The following MBD5 variants were observed in gnomAD, a reference collection of about 807,000 sequenced individuals.
The protein encoded by MBD5 is methyl-CpG-binding domain protein 5.
MBD5 carries 13 observed loss-of-function variants against 117.3 expected under a neutral mutation model. The ratio of observed to expected loss-of-function variants is 0.11; its 90% CI spans 0.07 to 0.18. The LOEUF (loss-of-function observed/expected upper bound fraction) is 0.18, where lower values mean the gene tolerates loss of function less well. MBD5 is among the 10% of genes least tolerant of loss of function. The pLI is 1.00. For missense variants in MBD5, 1,879 were observed against 2,093.8 expected (o/e 0.90, Z 2.00); for synonymous variants, 727 against 766.4 (o/e 0.95, Z 0.85).
At chr2:148,217,453 C>T (rs1699584842) in intron 2 of MBD5, among the ~76,000 whole-genome samples, 1 of 152,196 alleles carries the variant, frequency 6.6e-6, no homozygotes, top group Non-Finnish European at 1.5e-5. Context: ...TTCATGGAAG[C>T]ACTTGTCTTC....
intron 1 of MBD5, among the ~76,000 whole-genome samples, chr2:148,066,421 G>T (rs1406329372): frequency 6.6e-6 from 1 of 150,850 alleles, no homozygotes; most frequent in East Asian, 1.9e-4. Context: ...CCTCACTATA[G>T]TATTTAGTGT....
Position 148,374,178 on chromosome 2 carries a change from C to T in MBD5, c.-557+31842C>T, listed in dbSNP as rs181711455. Among the ~76,000 whole-genome samples the T allele has an allele frequency of 4.0e-5, 6 of 151,616 alleles. No individual in the cohort carries two copies. The East Asian group carries it at 1.2e-3, about 29-fold the overall frequency. ...CCAATTTGCCAAACCCAGAATGTTG[C>T]TTAGCTTTGTACTTTGCACACAAAG... On this transcript the variant is annotated intron_variant, in intron 4 of 13. Transcript: ENST00000642680.
At chr2:148,304,583 A>G (rs901030264) in intron 3 of MBD5, among the ~76,000 whole-genome samples, 5 of 152,200 alleles carry the variant, frequency 3.3e-5, no homozygotes, top group African/African-American at 9.7e-5. Flanking sequence ...TGATAAGACA[A>G]TATGTTCAAG....
intron 2 of MBD5, among the ~76,000 whole-genome samples, chr2:148,210,038 A>G (rs914131287): frequency 6.6e-6 from 1 of 152,220 alleles, no homozygotes; most frequent in African/African-American, 2.4e-5. Flanking sequence ...GGAGGAAGGC[A>G]TTTGTTTTTC....
intron 4 of MBD5, among the ~76,000 whole-genome samples, chr2:148,384,633 C>T (rs1704281503): frequency 6.6e-6 from 1 of 151,918 alleles, no homozygotes; most frequent in Non-Finnish European, 1.5e-5. Flanking sequence ...TATGGAACCA[C>T]AAAAGAGTCC....
At chr2:148,274,379 G>GC (rs1303952572) in intron 3 of MBD5, among the ~76,000 whole-genome samples, 3 of 131,956 alleles carry the variant, frequency 2.3e-5, no homozygotes, top group Non-Finnish European at 4.8e-5. Flanking sequence ...TCCCTCCCCA[G>GC]CCCCCCACCC....
chr2:148,390,582 T>C (rs10180399), intron 4 of MBD5, among the ~76,000 whole-genome samples: 75,196 of 148,522 alleles, frequency 0.51, 19,141 homozygotes, highest in East Asian at 0.75. Context: ...TATATATATA[T>C]ACATACTTTT....
intron 3 of MBD5, among the ~76,000 whole-genome samples, chr2:148,322,934 C>T (rs1052666106): frequency 3.6e-4 from 54 of 150,496 alleles, no homozygotes; most frequent in East Asian, 7.8e-4. Flanking sequence ...CATGCTGGTG[C>T]GCTGCACCCA....
At chr2:148,460,528 C>T (rs895825053) in intron 5 of MBD5, among the ~76,000 whole-genome samples, 4 of 152,260 alleles carry the variant, frequency 2.6e-5, no homozygotes, top group Admixed American at 6.5e-5. Flanking sequence ...TCTATAGCTC[C>T]CTGCTCAATG....
intron 1 of MBD5, among the ~76,000 whole-genome samples, chr2:148,169,835 A>G (rs1045861293): frequency 1.2e-4 from 18 of 151,980 alleles, no homozygotes; most frequent in Non-Finnish European, 2.5e-4. Context: ...GGTGGACAGG[A>G]TTTAGAATTT....
rs1396828203 is a variant in MBD5 at position 148,447,175 on chromosome 2, G to GA, written c.-556-11026dup. On this transcript the variant is annotated intron_variant, in intron 4 of 13. Coordinates refer to ENST00000642680, the MANE Select transcript of MBD5 (RefSeq NM_001378120.1). ...AGAAGGAAAGAAAGGAAGAAAGGAA[G>GA]AAGGAAAGAAAGAAAGAAAGAAAGA... Among the ~76,000 whole-genome samples, 128 of 120,242 alleles carry GA rather than the reference G, an allele frequency of 1.1e-3. 1 individual carries two copies. Among genetic ancestry groups the GA allele is most frequent in the African/African-American group, 3.7e-3 (114 of 30,660 alleles). 78.9% of individuals were successfully genotyped at this position (120,242 alleles called of 152,430 possible).
chr2:148,301,657 T>G (rs1445405597), intron 3 of MBD5, among the ~76,000 whole-genome samples: 2 of 152,218 alleles, frequency 1.3e-5, no homozygotes, highest in Non-Finnish European at 2.9e-5. Flanking sequence ...CCCCTGATTC[T>G]TCCCTTGGGG....
intron 3 of MBD5, among the ~76,000 whole-genome samples, chr2:148,254,947 A>G (rs1417550032): frequency 1.3e-5 from 2 of 152,142 alleles, no homozygotes; most frequent in Non-Finnish European, 2.9e-5. Context: ...TTGCTGCATC[A>G]TGTTCCAGGC....
chr2:148,328,255 A>C (rs1270074273), intron 3 of MBD5, among the ~76,000 whole-genome samples: 2 of 152,176 alleles, frequency 1.3e-5, no homozygotes, highest in East Asian at 3.9e-4. Flanking sequence ...GCTGTCAGAC[A>C]GGGACATTTA....
At chr2:148,343,878 T>A (rs1050911519) in intron 4 of MBD5, among the ~76,000 whole-genome samples, 2 of 152,116 alleles carry the variant, frequency 1.3e-5, no homozygotes, top group African/African-American at 4.8e-5. Context: ...CATAAATTCT[T>A]TCCTAAGGCC....
chr2:148,260,696 CA>C, intron 3 of MBD5: 2 of 205,848 alleles, frequency 9.7e-6, no homozygotes, highest in Admixed American at 8.9e-5. Flanking sequence ...CTGCTCTACC[CA>C]GGTCAGAGAT....
At chr2:148,195,573 A>T (rs1387167204) in intron 2 of MBD5, among the ~76,000 whole-genome samples, 1 of 152,214 alleles carries the variant, frequency 6.6e-6, no homozygotes, top group Non-Finnish European at 1.5e-5. Flanking sequence ...CATTTGTAGA[A>T]CATATGCCTA....
intron 4 of MBD5, among the ~76,000 whole-genome samples, chr2:148,375,009 T>C (rs1206785465): frequency 2.0e-5 from 3 of 152,202 alleles, no homozygotes; most frequent in Non-Finnish European, 4.4e-5. Flanking sequence ...TAATACCTGG[T>C]GTGTATAAAT....
rs749574412 is a variant in MBD5 at position 148,469,816 on chromosome 2, C to T, written c.1873C>T (p.Pro625Ser). The stretch of plus-strand genomic sequence containing the variant: ...ACATAGCACTTTAAACACCATGTTC[C>T]CTCCTACTGCCAACATGCTTCTCCC... Reference protein sequence around the residue: ...EGHSTLNTMFPPTANMLLPTG... With the variant: ...EGHSTLNTMFSPTANMLLPTG... Residue 625 changes from proline (P) to serine (S), a missense_variant, in exon 8 of 14, where the codon CCT (proline) becomes TCT (serine). This residue lies in a region of MBD5 where 1,666 missense variants were observed against 1,792.2 expected (regional missense o/e 0.93). Coordinates refer to ENST00000642680, the MANE Select transcript of MBD5 (RefSeq NM_001378120.1). 4 of 1,613,928 alleles carry T rather than the reference C, an allele frequency of 2.5e-6. No homozygotes were observed. Among genetic ancestry groups the T allele is most frequent in the South Asian group, 2.2e-5 (2 of 91,078 alleles).
Sources: gnomAD v4.1 joint callset for allele counts (sites outside exome capture counted in the v4.1 genomes callset) on GRCh38, gnomAD v4.1.1 for gene constraint, gnomAD v4.1.1 regional missense constraint, MANE v1.5 for transcripts, NCBI Gene and HGNC (gene_info 2026-07-23, HGNC 2026-07-21) for gene names.